The following SP3 variants were observed in gnomAD, a reference collection of about 807,000 sequenced individuals.
The protein encoded by SP3 is transcription factor Sp3.
In SP3, 10 loss-of-function variants were observed where a neutral mutation model predicts 70.3. The ratio of observed to expected loss-of-function variants is 0.14; its 90% CI spans 0.09 to 0.24. The LOEUF (loss-of-function observed/expected upper bound fraction) is 0.24. SP3 is among the 10% of genes least tolerant of loss of function. The pLI is 1.00. For synonymous variants in SP3, 402 were observed against 333.5 expected (o/e 1.21, Z -2.24); for missense variants, 825 against 914.6 (o/e 0.90, Z 1.26).
chr2:173,910,993 CAG>C (rs754329095), intron 6 of SP3, among the ~76,000 whole-genome samples: 20 of 152,164 alleles, frequency 1.3e-4, no homozygotes, highest in Non-Finnish European at 2.2e-4. Context: ...AAAAGGAATT[CAG>C]AGAGAAATCA....
Position 173,955,767 on chromosome 2 carries a change from G to T in SP3, c.745C>A (p.Gln249Lys). 6.2e-7 allele frequency: 1 copy of T among 1,614,170 alleles called. No homozygotes were observed. The highest frequency in any genetic ancestry group is 8.5e-7 in the Non-Finnish European group (1 of 1,180,030). ...GGCACATTAGCAACTACTTGGGTTT[G>T]ACCAGGAAAAGATGAACCACCAATT... ...VAIGGSSFPG[Q>K]TQVVANVPLG... is the part of the protein sequence containing the mutation. The change falls in exon 4 of 7, where the codon CAA becomes AAA. Residue 249 changes from glutamine (Q) to lysine (K), a missense_variant. Gln to Lys is a moderately conservative substitution (Grantham distance 53). This residue lies in a region of SP3 where 678 missense variants were observed against 651.6 expected (regional missense o/e 1.04). Transcript: ENST00000310015.
chr2:173,940,036 G>A (rs1574413994), intron 4 of SP3, among the ~76,000 whole-genome samples: 1 of 151,984 alleles, frequency 6.6e-6, no homozygotes, highest in Admixed American at 6.6e-5. Context: ...ACTGTGACCA[G>A]CTAATTTTTT....
chr2:173,930,315 C>T (rs1690033596), intron 4 of SP3, among the ~76,000 whole-genome samples: 1 of 152,106 alleles, frequency 6.6e-6, no homozygotes, highest in African/African-American at 2.4e-5. Flanking sequence ...GTCGCTCATC[C>T]CAGTACTTTG....
chr2:173,950,776 G>C (rs896528577), intron 4 of SP3, among the ~76,000 whole-genome samples: 1 of 152,030 alleles, frequency 6.6e-6, no homozygotes, highest in South Asian at 2.1e-4. Context: ...ATTTTCTAGT[G>C]AGAAAAAGCA....
At chr2:173,963,264 G>A (rs1220150544) in intron 3 of SP3, 1 of 152,088 alleles carries the variant, frequency 6.6e-6, no homozygotes, top group African/African-American at 2.4e-5. Flanking sequence ...CTTCACTCCT[G>A]CATACAAAAG....
At chr2:173,912,930 TTACTAAAGGTAAAAA>T (rs1574396426) in intron 6 of SP3, 125 bp downstream of exon 6, 1 of 525,204 alleles carries the variant, frequency 1.9e-6, no homozygotes, top group African/African-American at 2.0e-5. Flanking sequence ...TAAGATGGTG[TTACTAAAGGTAAAAA>T]TTGGATGTAA....
chr2:173,924,964 T>C (rs530026212), intron 4 of SP3, among the ~76,000 whole-genome samples: 4 of 152,322 alleles, frequency 2.6e-5, no homozygotes, highest in Admixed American at 2.0e-4. Flanking sequence ...CTCAGCTCAC[T>C]GCAACCTCCA....
chr2:173,919,762 G>A (rs566396161), intron 4 of SP3, among the ~76,000 whole-genome samples: 1 of 152,232 alleles, frequency 6.6e-6, no homozygotes, highest in South Asian at 2.1e-4. Flanking sequence ...TGGTAGGTGT[G>A]TAGATCAGTA....
rs185224541 is a variant in SP3 at position 173,904,562 on chromosome 2, G to A, written c.*5379C>T. 6.6e-6 allele frequency among the ~76,000 whole-genome samples: 1 copy of A among 152,162 alleles called. No individual in the cohort carries two copies. The highest frequency in any genetic ancestry group is 2.4e-5 in the African/African-American group (1 of 41,430). ...AAGAAAGCCATTTTCTTTTTCTTCTGGGGTTGAATGTCATCTTTGCTTTCT... is the reference window on the plus strand; with the variant it reads ...AAGAAAGCCATTTTCTTTTTCTTCTAGGGTTGAATGTCATCTTTGCTTTCT... On this transcript the variant is annotated 3_prime_UTR_variant, in exon 7 of 7. Coordinates refer to ENST00000310015, the MANE Select transcript of SP3 (RefSeq NM_003111.5).
intron 2 of SP3, 49 bp from the exon 3 acceptor site, chr2:173,963,932 C>A (rs769679785): frequency 1.5e-6 from 2 of 1,302,304 alleles, no homozygotes; most frequent in Non-Finnish European, 2.0e-6. Flanking sequence ...GAGGGGGTGG[C>A]GGTTAGGGTC....
rs771888408 is a variant in SP3, at chr2:173,964,540, G to A, written c.21C>T (p.Pro7=). 1.4e-5 allele frequency: 10 copies of A among 691,974 alleles called. No individual in the cohort carries two copies. The South Asian group carries it at 1.5e-4, about 10-fold the overall frequency. 42.9% of individuals were successfully genotyped at this position (691,974 alleles called of 1,614,324 possible). ...AGGCAGCCATTTCCTCTTGTTTCAC[G>A]GGCTTTTCGGGAGCTGCAGGCACAG... is the stretch of plus-strand genomic sequence containing the variant. MTAPEK[P]VKQEEMAALD... is the part of the protein sequence containing the mutation. The change falls in exon 2 of 7, where the codon CCC becomes CCT. Residue 7 remains proline, a synonymous_variant. Coordinates refer to ENST00000310015, the MANE Select transcript of SP3 (RefSeq NM_003111.5).
chr2:173,942,815 C>T (rs1204849966), intron 4 of SP3, among the ~76,000 whole-genome samples: 2 of 152,150 alleles, frequency 1.3e-5, no homozygotes, highest in African/African-American at 4.8e-5. Context: ...CAGCCCTCCA[C>T]AGGTTCTATA....
rs564912423 is a variant in SP3 at position 173,933,525 on chromosome 2, G to T, written c.1640-14740C>A. ...TCAATGTTAATGGATCAATCACCAT[G>T]ACGTATTTCATTGGCCAAAGCAAGC... is the stretch of plus-strand genomic sequence containing the variant. On this transcript the variant is annotated intron_variant, in intron 4 of 6. Transcript: ENST00000310015. Among the ~76,000 whole-genome samples the T allele has an allele frequency of 6.6e-5, 10 of 151,454 alleles. No homozygotes were observed. The South Asian group carries it at 2.1e-3, about 31-fold the overall frequency.
chr2:173,918,883 C>T, intron 4 of SP3, 98 bp from the exon 5 acceptor site: 1 of 1,012,512 alleles, frequency 9.9e-7, no homozygotes, highest in South Asian at 1.7e-5. Flanking sequence ...TACAACTTTG[C>T]ATGCACTACT....
At chr2:173,920,539 A>G (rs1689723553) in intron 4 of SP3, among the ~76,000 whole-genome samples, 3 of 152,070 alleles carry the variant, frequency 2.0e-5, no homozygotes. Context: ...GGCGGGGGGT[A>G]AGGTATATCT....
intron 4 of SP3, among the ~76,000 whole-genome samples, chr2:173,946,097 A>T (rs1690526562): frequency 6.6e-6 from 1 of 152,186 alleles, no homozygotes; most frequent in Admixed American, 6.5e-5. Flanking sequence ...ACTGCACTCC[A>T]GCCTGGGTGA....
intron 4 of SP3, among the ~76,000 whole-genome samples, chr2:173,939,750 G>C (rs1201213440): frequency 2.5e-5 from 1 of 39,266 alleles, no homozygotes; most frequent in Non-Finnish European, 4.5e-5. Context: ...GAGCAACAGA[G>C]CAAGACTCCA....
At chr2:173,918,179 G>A (rs911699619) in intron 5 of SP3, among the ~76,000 whole-genome samples, 4 of 151,614 alleles carry the variant, frequency 2.6e-5, no homozygotes, top group Admixed American at 2.6e-4. Context: ...ATCTATTAAG[G>A]CTTATTTTTC....
At chr2:173,916,288 G>A (rs981549828) in intron 5 of SP3, 1 of 151,834 alleles carries the variant, frequency 6.6e-6, no homozygotes, top group African/African-American at 2.4e-5. Flanking sequence ...CTCAGAATAC[G>A]GAAAACTTGT....
Sources: allele counts gnomAD v4.1 joint callset (sites outside exome capture counted in the v4.1 genomes callset), GRCh38; gene constraint gnomAD v4.1.1; regional missense constraint gnomAD v4.1.1; transcripts MANE v1.5; gene names NCBI Gene and HGNC (gene_info 2026-07-23, HGNC 2026-07-21).